CNOT6: variants seen among roughly 807,000 people sequenced by gnomAD.
CNOT6 encodes carbon catabolite repression 4 protein.
Under a neutral mutation model 61.2 loss-of-function variants are expected in CNOT6, and 12 were observed. The ratio of observed to expected loss-of-function variants is 0.20; its 90% CI spans 0.13 to 0.32. The LOEUF (loss-of-function observed/expected upper bound fraction) is 0.32, where lower values mean the gene tolerates loss of function less well. Ranked by LOEUF, CNOT6 falls within the 10% of genes least tolerant of loss-of-function variation. The pLI, the probability that CNOT6 is intolerant of heterozygous loss-of-function variation, is 1.00. For missense variants in CNOT6, 405 were observed against 663.9 expected, an observed-to-expected ratio of 0.61 and a Z score of 4.28; for synonymous variants, 225 against 240.6, an observed-to-expected ratio of 0.94 and a Z score of 0.60.
chr5:180,569,428 C>A, intron 10 of CNOT6, 88 bp downstream of exon 10: 2 of 1,113,844 alleles, frequency 1.8e-6, no homozygotes, highest in Non-Finnish European at 2.6e-6. Context: ...CAAATTAAGT[C>A]CAAATAAAAA....
At chr5:180,538,530 CA>C (rs886581013) in intron 2 of CNOT6, among the ~76,000 whole-genome samples, 3 of 150,530 alleles carry the variant, frequency 2.0e-5, no homozygotes. Context: ...TACTAAAATA[CA>C]AAAAAAATTT....
rs1554104994 is a variant in CNOT6, at chr5:180,577,163, A to ATGTGTGTC, written c.*2970_*2971insCTGTGTGT. On this transcript the variant is annotated 3_prime_UTR_variant, in exon 12 of 12. Transcript: ENST00000261951. Reference sequence around the variant, plus strand: ...AGATAGGCAGAGAACATCTCCAGAAATGTGTGTGTGTGTGTGTGTGTGTGT... The same window carrying ATGTGTGTC: ...AGATAGGCAGAGAACATCTCCAGAAATGTGTGTCTGTGTGTGTGTGTGTGTGTGTGTGT... The ATGTGTGTC allele has an allele frequency of 1.4e-5, 2 of 145,656 alleles. No individual in the cohort carries two copies. Among genetic ancestry groups the ATGTGTGTC allele is most frequent in the Non-Finnish European group, 3.0e-5 (2 of 66,402 alleles). The allele number at this position is 145,656 out of a possible 1,614,324, so 9.0% of individuals were successfully genotyped here.
chr5:180,507,123 C>T (rs1355358029), intron 1 of CNOT6, among the ~76,000 whole-genome samples: 2 of 152,012 alleles, frequency 1.3e-5, no homozygotes, highest in Non-Finnish European at 2.9e-5. Context: ...CTTTTGGTGT[C>T]TGGGGCGTTT....
chr5:180,538,995 G>GA, intron 2 of CNOT6, among the ~76,000 whole-genome samples: 1 of 144,314 alleles, frequency 6.9e-6, no homozygotes, highest in East Asian at 2.0e-4. Context: ...CCAACATGGT[G>GA]AAACCCCATC....
chr5:180,512,907 T>G (rs1757459156), intron 1 of CNOT6, among the ~76,000 whole-genome samples: 1 of 151,862 alleles, frequency 6.6e-6, no homozygotes. Flanking sequence ...CATTTATTTA[T>G]TTATTTAAGA....
At chr5:180,532,987 GCT>G (rs1758467614) in intron 2 of CNOT6, among the ~76,000 whole-genome samples, 1 of 152,230 alleles carries the variant, frequency 6.6e-6, no homozygotes, top group Admixed American at 6.5e-5. Flanking sequence ...CTATCTGGAA[GCT>G]CTCTGAACCC....
chr5:180,549,919 T>C lies in CNOT6; in HGVS notation c.113-12T>C, dbSNP rs1163394215. On this transcript the variant is annotated splice_polypyrimidine_tract_variant and intron_variant, in intron 2 of 11. Transcript: ENST00000261951. ...ACTATATAATCCGTTCCTGTATTTT[T>C]TTCTCTTACAGGAAAAGTAAGAAGC... 17 of 1,591,250 alleles carry C rather than the reference T, an allele frequency of 1.1e-5. No individual in the cohort carries two copies. The highest frequency in any genetic ancestry group is 1.5e-5 in the Non-Finnish European group (17 of 1,163,484).
intron 1 of CNOT6, among the ~76,000 whole-genome samples, chr5:180,523,066 G>A (rs575606152): frequency 8.1e-4 from 124 of 152,272 alleles, no homozygotes; most frequent in African/African-American, 2.7e-3. Context: ...ATCTCAGTGG[G>A]ATCTAACTCC....
intron 4 of CNOT6, among the ~76,000 whole-genome samples, chr5:180,556,471 T>C (rs1440734929): frequency 6.6e-6 from 1 of 152,242 alleles, no homozygotes; most frequent in African/African-American, 2.4e-5. Context: ...TTAGCCTGAT[T>C]TGATCATTCC....
chr5:180,505,855 A>G (rs1466182956), intron 1 of CNOT6, among the ~76,000 whole-genome samples: 2 of 152,076 alleles, frequency 1.3e-5, no homozygotes, highest in Non-Finnish European at 2.9e-5. Context: ...GCCAAGTACT[A>G]GTTAATTTTT....
At chr5:180,531,766 C>T (rs368971595) in intron 2 of CNOT6, among the ~76,000 whole-genome samples, 79 of 152,320 alleles carry the variant, frequency 5.2e-4, no homozygotes, top group Middle Eastern at 6.8e-3. Context: ...GCAGATCACT[C>T]GGGGTCAGGA....
Position 180,564,604 on chromosome 5 carries a change from A to G in CNOT6, c.490+11A>G. ...GTACTGCAAAAAGAAGTAAGTGGTT[A>G]TTTGTTTAAACCTTTTTATTAGGAA... On this transcript the variant is annotated intron_variant, in intron 5 of 11. Coordinates refer to ENST00000261951, the MANE Select transcript of CNOT6 (RefSeq NM_001370472.1). The G allele has an allele frequency of 6.2e-7, 1 of 1,610,512 alleles. No individual in the cohort carries two copies. Among genetic ancestry groups the G allele is most frequent in the South Asian group, 1.1e-5 (1 of 90,986 alleles).
chr5:180,508,646 A>G (rs1026421822), intron 1 of CNOT6, among the ~76,000 whole-genome samples: 3 of 151,550 alleles, frequency 2.0e-5, no homozygotes, highest in Non-Finnish European at 2.9e-5. Flanking sequence ...TATTTTTTCA[A>G]GGCAAGGTCT....
chr5:180,571,799 A>G (rs1268680573), intron 11 of CNOT6, among the ~76,000 whole-genome samples: 1 of 152,004 alleles, frequency 6.6e-6, no homozygotes, highest in Non-Finnish European at 1.5e-5. Context: ...CTGGCCTCAA[A>G]TGATTCTTCC....
rs140118786 is a variant in CNOT6, at chr5:180,518,801, C to T, written c.-2-10474C>T. On this transcript the variant is annotated intron_variant, in intron 1 of 11. Transcript: ENST00000261951. ...CTGGTATGAGCCTGGCCAGTGTTTC[C>T]GTTTAATTTCCTTGATTTATAAACG... Among the ~76,000 whole-genome samples the T allele has an allele frequency of 3.7e-3, 564 of 152,300 alleles. 18 individuals are homozygous for T. The highest frequency in any genetic ancestry group is 0.032 in the Admixed American group (492 of 15,294).
At chr5:180,548,003 G>A (rs1447869369) in intron 2 of CNOT6, among the ~76,000 whole-genome samples, 1 of 152,126 alleles carries the variant, frequency 6.6e-6, no homozygotes, top group Non-Finnish European at 1.5e-5. Flanking sequence ...CAAAGTGCTG[G>A]GATTACAGGC....
intron 4 of CNOT6, among the ~76,000 whole-genome samples, chr5:180,557,043 G>T (rs1287871177): frequency 6.6e-6 from 1 of 152,072 alleles, no homozygotes; most frequent in Non-Finnish European, 1.5e-5. Context: ...TAATTATTTG[G>T]ATATTTGTCC....
intron 7 of CNOT6, among the ~76,000 whole-genome samples, chr5:180,566,572 C>G (rs1760468341): frequency 6.6e-6 from 1 of 151,304 alleles, no homozygotes; most frequent in Non-Finnish European, 1.5e-5. Context: ...CCCTTGGTAC[C>G]TAGTACCTGT....
intron 2 of CNOT6, among the ~76,000 whole-genome samples, chr5:180,547,972 G>C (rs926052765): frequency 6.6e-6 from 1 of 152,212 alleles, no homozygotes; most frequent in Admixed American, 6.5e-5. Context: ...GACTTCAGGT[G>C]ATCTGCCCGC....
Sources: allele counts gnomAD v4.1 joint callset (sites outside exome capture counted in the v4.1 genomes callset), GRCh38; gene constraint gnomAD v4.1.1; transcripts MANE v1.5; gene names NCBI Gene and HGNC (gene_info 2026-07-23, HGNC 2026-07-21).